KCNH1: variants seen among roughly 807,000 people sequenced by gnomAD.
The protein encoded by KCNH1 is voltage-gated delayed rectifier potassium channel KCNH1.
In KCNH1, 27 loss-of-function variants were observed where a neutral mutation model predicts 69.2. That is an observed-to-expected ratio of 0.39 (90% CI 0.29 to 0.54). KCNH1 has a LOEUF of 0.54. Ranked by LOEUF, KCNH1 falls within the 20% of genes least tolerant of loss-of-function variation. KCNH1 has a pLI of 0.68. For missense variants in KCNH1, 798 were observed against 1,261.6 expected (o/e 0.63, Z 5.57); for synonymous variants, 456 against 487.7 (o/e 0.93, Z 0.86).
At chr1:211,079,393 G>A (rs1690808229) in intron 5 of KCNH1, among the ~76,000 whole-genome samples, 1 of 152,188 alleles carries the variant, frequency 6.6e-6, no homozygotes, top group African/African-American at 2.4e-5. Flanking sequence ...GAGCTACAAA[G>A]AGGAGCTGGT....
At chr1:210,933,955 A>G (rs1377000716) in intron 6 of KCNH1, among the ~76,000 whole-genome samples, 2 of 152,230 alleles carry the variant, frequency 1.3e-5, no homozygotes, top group African/African-American at 4.8e-5. Flanking sequence ...TCTTCAATAA[A>G]TGATGTTGGG....
At chr1:210,883,484 T>C (rs1402506640) in intron 7 of KCNH1, among the ~76,000 whole-genome samples, 1 of 152,174 alleles carries the variant, frequency 6.6e-6, no homozygotes, top group Non-Finnish European at 1.5e-5. Flanking sequence ...CAAGGCACAA[T>C]TTGCTTCATG....
chr1:210,934,693 C>T lies in KCNH1; in HGVS notation c.1033-14624G>A, dbSNP rs1468355447. ...AGGTATATGAAAAAATGCCCAACATCATTAATCATTAAGGAAATGCAAGTC... is the reference window on the plus strand; with the variant it reads ...AGGTATATGAAAAAATGCCCAACATTATTAATCATTAAGGAAATGCAAGTC... On this transcript the variant is annotated intron_variant, in intron 6 of 10. Coordinates refer to ENST00000271751, the MANE Select transcript of KCNH1 (RefSeq NM_172362.3). Among the ~76,000 whole-genome samples, 4 of 151,660 alleles carry T rather than the reference C, an allele frequency of 2.6e-5. No individual in the cohort carries two copies. The East Asian group carries it at 7.7e-4, about 29-fold the overall frequency.
intron 6 of KCNH1, 128 bp downstream of exon 6, chr1:211,018,655 G>T: frequency 1.3e-6 from 1 of 776,946 alleles, no homozygotes; most frequent in Non-Finnish European, 2.1e-6. Context: ...TATCTATCAA[G>T]CATGCTCCCT....
rs1681313832 is a variant in KCNH1 at position 210,683,222 on chromosome 1, G to C, written c.*59C>G. 4.0e-6 allele frequency: 6 copies of C among 1,506,360 alleles called. No individual in the cohort carries two copies. Among genetic ancestry groups the C allele is most frequent in the Non-Finnish European group, 5.4e-6 (6 of 1,109,250 alleles). The allele number at this position is 1,506,360 out of a possible 1,614,324, so 93.3% of individuals were successfully genotyped here. On this transcript the variant is annotated 3_prime_UTR_variant, in exon 11 of 11. Coordinates refer to ENST00000271751, the MANE Select transcript of KCNH1 (RefSeq NM_172362.3). The surrounding 1 kb of genome is among the most constrained non-coding windows in gnomAD (Gnocchi z 5.7). ...GGTCATGTGGACATATGTGGTAGGG[G>C]TGGTGGTGACGGCAGGGTTGGAGGT...
Position 210,919,391 on chromosome 1 carries a change from T to C in KCNH1, c.1462+249A>G, listed in dbSNP as rs1186827287. ...TAAGAGAAGACACCAACAGTATTAG[T>C]AGTTATCTCTGAAAAGCAGAATTAT... On this transcript the variant is annotated intron_variant, in intron 7 of 10. Transcript: ENST00000271751. This position sits in a 1 kb window ranked among gnomAD's most constrained non-coding sequence, Gnocchi z 4.2. The C allele has an allele frequency of 1.0e-5, 5 of 492,988 alleles. No individual in the cohort carries two copies. In the East Asian group the frequency reaches 1.0e-4, roughly 10 times the overall value. The allele number at this position is 492,988 out of a possible 1,614,324, so 30.5% of individuals were successfully genotyped here.
chr1:211,132,189 T>C (rs1691888247), intron 1 of KCNH1, among the ~76,000 whole-genome samples: 1 of 152,212 alleles, frequency 6.6e-6, no homozygotes, highest in South Asian at 2.1e-4. Flanking sequence ...TTGATATTTA[T>C]GAGAAAGTTG....
intron 6 of KCNH1, among the ~76,000 whole-genome samples, chr1:210,995,245 CT>C (rs1303605790): frequency 2.0e-5 from 3 of 152,094 alleles, no homozygotes. Context: ...ATTTTTCTGC[CT>C]TTTGCCATTC....
intron 10 of KCNH1, among the ~76,000 whole-genome samples, chr1:210,701,242 T>G (rs1681771031): frequency 6.6e-6 from 1 of 152,190 alleles, no homozygotes; most frequent in Non-Finnish European, 1.5e-5. Flanking sequence ...CGGCCCTTTT[T>G]ATTTTTTTGG....
intron 4 of KCNH1, among the ~76,000 whole-genome samples, chr1:211,089,460 T>A (rs1691014667): frequency 6.6e-6 from 1 of 152,186 alleles, no homozygotes; most frequent in Non-Finnish European, 1.5e-5. Context: ...AAAAATAGGA[T>A]GCGCTGGTAT....
intron 1 of KCNH1, among the ~76,000 whole-genome samples, chr1:211,121,859 G>C (rs998374562): frequency 1.3e-5 from 2 of 152,162 alleles, no homozygotes; most frequent in African/African-American, 4.8e-5. Context: ...ACCCCGGCCA[G>C]GCGTGGTAGC....
At chr1:211,126,627 G>A (rs1365768399) in intron 1 of KCNH1, among the ~76,000 whole-genome samples, 1 of 149,340 alleles carries the variant, frequency 6.7e-6, no homozygotes. Context: ...AAGCTGCAGT[G>A]AGCTGACATC....
rs913837620 is a variant in KCNH1, at chr1:210,804,023, C to T, written c.1606G>A (p.Val536Ile). ...CAAGTGGACACAATATAATCCATTA[C>T]TCGCTCACTCAATCCTTTTGGCACC... ...YQVPKGLSERVMDYIVSTWSM... is the reference protein window; with the variant it reads ...YQVPKGLSERIMDYIVSTWSM... The change falls in exon 8 of 11, where the codon GTA becomes ATA. Residue 536 changes from valine to isoleucine, a missense_variant. Physicochemically the swap from Val to Ile is conservative, Grantham distance 29. Transcript: ENST00000271751. 1.9e-6 allele frequency: 3 copies of T among 1,614,110 alleles called. No individual in the cohort carries two copies. The highest frequency in any genetic ancestry group is 2.5e-6 in the Non-Finnish European group (3 of 1,180,044).
intron 7 of KCNH1, among the ~76,000 whole-genome samples, chr1:210,914,278 C>T (rs1347136352): frequency 6.6e-6 from 1 of 152,120 alleles, no homozygotes; most frequent in Non-Finnish European, 1.5e-5. Context: ...TACTAAGAGC[C>T]CACTATGTGT....
At chr1:210,769,632 C>T (rs993785824) in intron 10 of KCNH1, among the ~76,000 whole-genome samples, 16 of 152,340 alleles carry the variant, frequency 1.1e-4, no homozygotes, top group African/African-American at 3.8e-4. Context: ...CAATTACCTA[C>T]GTGCCAATTA....
chr1:210,689,920 A>G (rs371530804), intron 10 of KCNH1, among the ~76,000 whole-genome samples: 48 of 152,224 alleles, frequency 3.2e-4, no homozygotes, highest in African/African-American at 1.1e-3. Flanking sequence ...CCAGGCTCTC[A>G]GAACCCCTGG....
chr1:210,790,547 A>G (rs1684193463), intron 9 of KCNH1, among the ~76,000 whole-genome samples: 1 of 152,246 alleles, frequency 6.6e-6, no homozygotes, highest in Admixed American at 6.5e-5. Flanking sequence ...TACCCAGTTA[A>G]AATAGAATTT....
At chr1:210,962,436 A>C (rs1688312262) in intron 6 of KCNH1, among the ~76,000 whole-genome samples, 1 of 152,114 alleles carries the variant, frequency 6.6e-6, no homozygotes, top group Non-Finnish European at 1.5e-5. Context: ...TTTTTAACAA[A>C]TGTACAGATC....
intron 10 of KCNH1, among the ~76,000 whole-genome samples, chr1:210,706,054 T>G (rs975032772): frequency 1.3e-5 from 2 of 152,208 alleles, no homozygotes; most frequent in African/African-American, 2.4e-5. Flanking sequence ...AGTGGTTAAG[T>G]GGAAGCAACA....
Sources: gnomAD v4.1 joint callset for allele counts (sites outside exome capture counted in the v4.1 genomes callset) on GRCh38, gnomAD v4.1.1 for gene constraint, Gnocchi (gnomAD v3.1) non-coding constraint, MANE v1.5 for transcripts, NCBI Gene and HGNC (gene_info 2026-07-23, HGNC 2026-07-21) for gene names.